PPARA: variants seen among roughly 807,000 people sequenced by gnomAD.
The protein encoded by PPARA is peroxisome proliferator activated receptor alpha, also known as peroxisome proliferator-activated receptor alpha.
A neutral mutation model predicts 42.2 loss-of-function variants in PPARA; 22 were observed. That is an observed-to-expected ratio of 0.52 (90% CI 0.37 to 0.74). The LOEUF is 0.74. Ranked by LOEUF, PPARA falls within the 30% of genes least tolerant of loss-of-function variation. PPARA has a pLI of 0.00. For synonymous variants in PPARA, 242 were observed against 239.3 expected (o/e 1.01, Z -0.10); for missense variants, 465 against 608.2 (o/e 0.76, Z 2.48).
At chr22:46,228,720 T>C (rs1935649756) in intron 7 of PPARA, among the ~76,000 whole-genome samples, 1 of 152,242 alleles carries the variant, frequency 6.6e-6, no homozygotes, top group Non-Finnish European at 1.5e-5. Context: ...TCTGGAAGAC[T>C]GCACATTTAT....
At chr22:46,186,261 T>A (rs937653572) in intron 3 of PPARA, among the ~76,000 whole-genome samples, 1 of 152,092 alleles carries the variant, frequency 6.6e-6, no homozygotes, top group Non-Finnish European at 1.5e-5. Flanking sequence ...CCTTGACATG[T>A]CTCAGACATT....
rs1935270949 is a variant in PPARA at position 46,224,713 on chromosome 22, T to C, written c.711+4699T>C. Among the ~76,000 whole-genome samples the C allele has an allele frequency of 2.0e-5, 3 of 152,144 alleles. No individual in the cohort carries two copies. The highest frequency in any genetic ancestry group is 1.3e-4 in the Admixed American group (2 of 15,290). ...TACGAACCGTAATGAACGTGGGCTG[T>C]GTGCTGGGGAAGGCAGGCTCGCCTC... On this transcript the variant is annotated intron_variant, in intron 7 of 8. Transcript: ENST00000407236. The surrounding 1 kb of genome is among the most constrained non-coding windows in gnomAD (Gnocchi z 5.7).
rs1933020576 is a variant in PPARA, at chr22:46,204,248, G to A, written c.208+5657G>A. On this transcript the variant is annotated intron_variant, in intron 4 of 8. Transcript: ENST00000407236. The surrounding 1 kb of genome is among the most constrained non-coding windows in gnomAD (Gnocchi z 5.2). ...CAGTTTGCTGATTCACGCACCTGTT[G>A]ATGAGCATTTAGGTTGTTTCTAGCT... Among the ~76,000 whole-genome samples the A allele has an allele frequency of 6.6e-6, 1 of 152,206 alleles. No homozygotes were observed. The highest frequency in any genetic ancestry group is 2.1e-4 in the South Asian group (1 of 4,834).
chr22:46,185,944 T>A (rs1387825638), intron 3 of PPARA, among the ~76,000 whole-genome samples: 16 of 50,280 alleles, frequency 3.2e-4, no homozygotes, highest in African/African-American at 5.5e-4. Context: ...TATATATATA[T>A]ATATATATAT....
chr22:46,206,739 C>T (rs1425112379), intron 4 of PPARA, among the ~76,000 whole-genome samples: 1 of 152,086 alleles, frequency 6.6e-6, no homozygotes, highest in African/African-American at 2.4e-5. Context: ...AAATTTTTTA[C>T]ATTTACCCAC....
chr22:46,165,486 G>A lies in PPARA; in HGVS notation c.-126-11267G>A, dbSNP rs1216390544. 5 of 152,260 alleles carry A rather than the reference G, an allele frequency of 3.3e-5. No individual in the cohort carries two copies. Among genetic ancestry groups the A allele is most frequent in the Non-Finnish European group, 4.4e-5 (3 of 68,070 alleles). The allele number at this position is 152,260 out of a possible 1,614,324, so 9.4% of individuals were successfully genotyped here. A position where few individuals can be genotyped will look rare whatever the true frequency, so the allele number is the denominator to read the frequency against. ...GGTCTGGAGAAGATGGAAACTTGAT[G>A]TTTGGGGCCATTGTGTCCCTGGGGT... On this transcript the variant is annotated intron_variant, in intron 2 of 8. Coordinates refer to ENST00000407236, the MANE Select transcript of PPARA (RefSeq NM_005036.6). The surrounding 1 kb of genome is among the most constrained non-coding windows in gnomAD (Gnocchi z 5.5).
rs548055057 is a variant in PPARA, at chr22:46,234,634, C to T, written c.1160-499C>T. Among the ~76,000 whole-genome samples the T allele has an allele frequency of 2.6e-4, 39 of 152,324 alleles. 1 individual carries two copies. Among genetic ancestry groups the T allele is most frequent in the African/African-American group, 8.9e-4 (37 of 41,578 alleles). On this transcript the variant is annotated intron_variant, in intron 8 of 8. Transcript: ENST00000407236. This position sits in a 1 kb window ranked among gnomAD's most constrained non-coding sequence, Gnocchi z 5.8. The stretch of plus-strand genomic sequence containing the variant: ...TCTCCCACCTCAGCCTCCCGAGTAT[C>T]TGGGATTACAGGCGTGAGCCACCGT...
rs987818921 is a variant in PPARA at position 46,192,014 on chromosome 22, G to A, written c.-42-6328G>A. Among the ~76,000 whole-genome samples the A allele has an allele frequency of 1.3e-5, 2 of 152,174 alleles. No homozygotes were observed. The highest frequency in any genetic ancestry group is 4.8e-5 in the African/African-American group (2 of 41,440). ...CGTGAAACGGAAGTTGCGGTGAGCC[G>A]AGATCACGCCACTGTACTCCAGCCT... is the stretch of plus-strand genomic sequence containing the variant. On this transcript the variant is annotated intron_variant, in intron 3 of 8. Transcript: ENST00000407236. The surrounding 1 kb of genome is among the most constrained non-coding windows in gnomAD (Gnocchi z 4.3).
chr22:46,186,360 T>C (rs1475052953), intron 3 of PPARA, among the ~76,000 whole-genome samples: 2 of 152,138 alleles, frequency 1.3e-5, no homozygotes, highest in Non-Finnish European at 2.9e-5. Flanking sequence ...AAGGGTGTAT[T>C]TGTGCAACAC....
In PPARA at chr22:46,160,513, G is replaced by A. The variant is rs1926005105; in HGVS notation, c.-127+8543G>A. ...GGGTTTCACCACGTTGGCCAGGCTG[G>A]TCTCAAACTCCCGGCCTCATGATCC... On this transcript the variant is annotated intron_variant, in intron 2 of 8. Transcript: ENST00000407236. This position sits in a 1 kb window ranked among gnomAD's most constrained non-coding sequence, Gnocchi z 4.5. 6.6e-6 allele frequency among the ~76,000 whole-genome samples: 1 copy of A among 152,146 alleles called. No homozygotes were observed. Among genetic ancestry groups the A allele is most frequent in the African/African-American group, 2.4e-5 (1 of 41,426 alleles).
At chr22:46,186,593 T>G (rs187273495) in intron 3 of PPARA, among the ~76,000 whole-genome samples, 8 of 152,064 alleles carry the variant, frequency 5.3e-5, no homozygotes, top group Non-Finnish European at 1.2e-4. Flanking sequence ...TTTACAGTTA[T>G]TGAAACTGAG....
rs143728672 is a variant in PPARA, at chr22:46,212,209, G to A, written c.209-2964G>A. Among the ~76,000 whole-genome samples, 92 of 151,704 alleles carry A rather than the reference G, an allele frequency of 6.1e-4. No homozygotes were observed. The highest frequency in any genetic ancestry group is 7.7e-4 in the African/African-American group (32 of 41,358). On this transcript the variant is annotated intron_variant, in intron 4 of 8. Transcript: ENST00000407236. The surrounding 1 kb of genome is among the most constrained non-coding windows in gnomAD (Gnocchi z 4.2). ...GTAGCTGGGATTACAGGTGCACACC[G>A]CTGAGCCCAGCAAATTTTTGTATTT...
At chr22:46,228,270 C>G (rs1157825659) in intron 7 of PPARA, among the ~76,000 whole-genome samples, 1 of 152,142 alleles carries the variant, frequency 6.6e-6, no homozygotes, top group Non-Finnish European at 1.5e-5. Context: ...TGTGGTGGCT[C>G]ACGCCTGTAA....
At position 46,211,082 on chromosome 22, in the gene PPARA, G is replaced by T. The variant is rs1933881800; in HGVS notation, c.209-4091G>T. 6.6e-6 allele frequency among the ~76,000 whole-genome samples: 1 copy of T among 152,144 alleles called. No individual in the cohort carries two copies. The highest frequency in any genetic ancestry group is 1.5e-5 in the Non-Finnish European group (1 of 68,032). The stretch of plus-strand genomic sequence containing the variant: ...ACTATCATCATTTCAGGTTGCTACT[G>T]AAGTATCCCTTTTTCAGGCTCTCAG... On this transcript the variant is annotated intron_variant, in intron 4 of 8. Coordinates refer to ENST00000407236, the MANE Select transcript of PPARA (RefSeq NM_005036.6). This position sits in a 1 kb window ranked among gnomAD's most constrained non-coding sequence, Gnocchi z 4.1.
At position 46,224,980 on chromosome 22, in the gene PPARA, G is replaced by A. The variant is rs1398533047; in HGVS notation, c.711+4966G>A. ...GAACAGGCTAGAATGCTGGGGGGGG[G>A]CCTGAAACCGGTGGGGGAGTTGTGG... is the stretch of plus-strand genomic sequence containing the variant. On this transcript the variant is annotated intron_variant, in intron 7 of 8. Coordinates refer to ENST00000407236, the MANE Select transcript of PPARA (RefSeq NM_005036.6). This position sits in a 1 kb window ranked among gnomAD's most constrained non-coding sequence, Gnocchi z 5.7. 7.4e-6 allele frequency among the ~76,000 whole-genome samples: 1 copy of A among 135,290 alleles called. No individual in the cohort carries two copies. The highest frequency in any genetic ancestry group is 1.6e-5 in the Non-Finnish European group (1 of 62,248). 88.8% of individuals were successfully genotyped at this position (135,290 alleles called of 152,430 possible).
intron 2 of PPARA, among the ~76,000 whole-genome samples, chr22:46,159,673 G>A (rs1403691574): frequency 2.6e-5 from 4 of 152,220 alleles, no homozygotes; most frequent in Admixed American, 2.6e-4. Context: ...TCAGCAAGGT[G>A]TTCTGAAAGA....
rs1206911694 is a variant in PPARA, at chr22:46,162,432, C to T, written c.-127+10462C>T. 2.0e-5 allele frequency among the ~76,000 whole-genome samples: 3 copies of T among 152,188 alleles called. No homozygotes were observed. Among genetic ancestry groups the T allele is most frequent in the Admixed American group, 6.5e-5 (1 of 15,278 alleles). On this transcript the variant is annotated intron_variant, in intron 2 of 8. Transcript: ENST00000407236. The surrounding 1 kb of genome is among the most constrained non-coding windows in gnomAD (Gnocchi z 6.0). ...GACACACTCCCTTACCCTCATACCC[C>T]GCCGCACCCCTGTGACCTCTACCTT...
chr22:46,223,471 C>T (rs1003717861), intron 7 of PPARA, among the ~76,000 whole-genome samples: 15 of 151,578 alleles, frequency 9.9e-5, no homozygotes, highest in African/African-American at 3.2e-4. Flanking sequence ...GGTGAAACCC[C>T]GTCTCTACTA....
At position 46,188,212 on chromosome 22, in the gene PPARA, A is replaced by G. The variant is rs950104289; in HGVS notation, c.-42-10130A>G. ...AATTGTGAACAAATAAAATGGTTGT[A>G]GTTATAAGCCATTAAGTTTCAGAGT... On this transcript the variant is annotated intron_variant, in intron 3 of 8. Coordinates refer to ENST00000407236, the MANE Select transcript of PPARA (RefSeq NM_005036.6). The surrounding 1 kb of genome is among the most constrained non-coding windows in gnomAD (Gnocchi z 5.0). Among the ~76,000 whole-genome samples, 4 of 152,236 alleles carry G rather than the reference A, an allele frequency of 2.6e-5. No homozygotes were observed. Among genetic ancestry groups the G allele is most frequent in the African/African-American group, 9.6e-5 (4 of 41,468 alleles).
Sources: gnomAD v4.1 joint callset for allele counts (sites outside exome capture counted in the v4.1 genomes callset) on GRCh38, gnomAD v4.1.1 for gene constraint, Gnocchi (gnomAD v3.1) non-coding constraint, MANE v1.5 for transcripts, NCBI Gene and HGNC (gene_info 2026-07-23, HGNC 2026-07-21) for gene names.